RPA1: variants seen among roughly 807,000 people sequenced by gnomAD.
The protein encoded by RPA1 is replication protein A 70 kDa DNA-binding subunit.
A neutral mutation model predicts 83.0 loss-of-function variants in RPA1; 49 were observed. The ratio of observed to expected loss-of-function variants is 0.59; its 90% CI spans 0.47 to 0.75. The LOEUF (loss-of-function observed/expected upper bound fraction) is 0.75. Ranked by LOEUF, RPA1 falls within the 30% of genes least tolerant of loss-of-function variation. RPA1 has a pLI of 0.00. For missense variants in RPA1, 693 were observed against 776.1 expected (o/e 0.89, Z 1.27); for synonymous variants, 279 against 281.8 (o/e 0.99, Z 0.10).
chr17:1,888,735 C>G lies in RPA1; in HGVS notation c.1435C>G (p.Gln479Glu), dbSNP rs763579522. 3.7e-6 allele frequency: 6 copies of G among 1,614,194 alleles called. No homozygotes were observed. The highest frequency in any genetic ancestry group is 1.7e-4 in the Middle Eastern group (1 of 6,060). The change falls in exon 14 of 17, where the codon CAA becomes GAA. Residue 479 changes from glutamine (Q) to glutamate (E), a missense_variant. Transcript: ENST00000254719. ...TCTTCGCAAAGAGAACTGCATGTAC[C>G]AAGCCTGCCCGACTCAGGACTGCAA... ...VYLRKENCMYQACPTQDCNKK... is the reference protein window; with the variant it reads ...VYLRKENCMYEACPTQDCNKK...
chr17:1,835,885 G>A (rs1911799624), intron 1 of RPA1, among the ~76,000 whole-genome samples: 1 of 152,094 alleles, frequency 6.6e-6, no homozygotes. Context: ...CACTTGGGGA[G>A]GCTAATGCAG....
At chr17:1,894,560 G>A (rs1567830786) in intron 15 of RPA1, among the ~76,000 whole-genome samples, 3 of 152,172 alleles carry the variant, frequency 2.0e-5, no homozygotes, top group African/African-American at 7.2e-5. Context: ...ATTTTTACGT[G>A]TACAGTTTAG....
intron 15 of RPA1, among the ~76,000 whole-genome samples, chr17:1,893,166 G>T (rs1280840974): frequency 6.6e-6 from 1 of 152,132 alleles, no homozygotes; most frequent in African/African-American, 2.4e-5. Context: ...AACTAGAATT[G>T]ACTTTAAAGT....
intron 14 of RPA1, 164 bp from the exon 15 acceptor site, chr17:1,891,669 C>T: frequency 2.2e-6 from 1 of 460,992 alleles, no homozygotes. Context: ...TTCCACCCGC[C>T]TTGGCCTCCC....
At position 1,888,860 on chromosome 17, in the gene RPA1, C is replaced by T. The variant is rs1914096192; in HGVS notation, c.1551+9C>T. ...ACCGCATGATCCTGTCAGTAAGTAGCCTCGGTAGATGAGAACCACGGTTGT... is the reference window on the plus strand; with the variant it reads ...ACCGCATGATCCTGTCAGTAAGTAGTCTCGGTAGATGAGAACCACGGTTGT... On this transcript the variant is annotated intron_variant, in intron 14 of 16. Transcript: ENST00000254719. 6.2e-7 allele frequency: 1 copy of T among 1,610,018 alleles called. No homozygotes were observed. Among genetic ancestry groups the T allele is most frequent in the Non-Finnish European group, 8.5e-7 (1 of 1,176,798 alleles).
intron 11 of RPA1, 126 bp downstream of exon 11, chr17:1,879,825 C>A (rs1913715056): frequency 8.2e-7 from 1 of 1,216,128 alleles, no homozygotes; most frequent in Non-Finnish European, 1.2e-6. Flanking sequence ...AGGGAGTGGT[C>A]TTATCCTATA....
chr17:1,844,575 C>T lies in RPA1; in HGVS notation c.164-3C>T. 6.2e-7 allele frequency: 1 copy of T among 1,611,552 alleles called. No homozygotes were observed. Among genetic ancestry groups the T allele is most frequent in the Non-Finnish European group, 8.5e-7 (1 of 1,178,634 alleles). On this transcript the variant is annotated splice_region_variant and splice_polypyrimidine_tract_variant and intron_variant, in intron 3 of 16. Transcript: ENST00000254719. The stretch of plus-strand genomic sequence containing the variant: ...AGGCTAAAGAAATCTCTGTGGTTTT[C>T]AGCTTTCATGTTGGCGACACAGTTG...
At chr17:1,862,152 A>G (rs11650608) in intron 5 of RPA1, among the ~76,000 whole-genome samples, 49,264 of 146,474 alleles carry the variant, frequency 0.34, 10,502 homozygotes, top group Non-Finnish European at 0.49. Context: ...TCAGCCTCCC[A>G]AAGTGCTGGG....
intron 15 of RPA1, among the ~76,000 whole-genome samples, chr17:1,894,324 G>T (rs1472412276): frequency 6.6e-6 from 1 of 151,906 alleles, no homozygotes; most frequent in Non-Finnish European, 1.5e-5. Flanking sequence ...CTGCCACTAT[G>T]CCCAGCTAAT....
At chr17:1,894,305 T>G (rs1227200402) in intron 15 of RPA1, among the ~76,000 whole-genome samples, 2 of 152,042 alleles carry the variant, frequency 1.3e-5, no homozygotes, top group Non-Finnish European at 2.9e-5. Context: ...TACCTGGGAT[T>G]ACAGGCACCT....
chr17:1,891,569 GC>G, intron 14 of RPA1: 1 of 147,974 alleles, frequency 6.8e-6, no homozygotes, highest in Non-Finnish European at 1.6e-5. Flanking sequence ...ACAGGCACCC[GC>G]CACCATGCCT....
chr17:1,848,483 T>A (rs1912350684), intron 4 of RPA1, among the ~76,000 whole-genome samples: 1 of 151,174 alleles, frequency 6.6e-6, no homozygotes, highest in Admixed American at 6.6e-5. Context: ...TGGTGGCACA[T>A]GCCTGTAATC....
intron 14 of RPA1, among the ~76,000 whole-genome samples, chr17:1,890,082 C>G (rs1914148654): frequency 6.6e-6 from 1 of 151,932 alleles, no homozygotes. Context: ...GAAAAATGTT[C>G]ATATTGGCCA....
chr17:1,858,258 C>T, intron 5 of RPA1: 3 of 1,613,208 alleles, frequency 1.9e-6, no homozygotes, highest in South Asian at 2.2e-5. Flanking sequence ...CCAAATAAGA[C>T]TCAAAGTTCC....
At chr17:1,880,452 C>A in intron 11 of RPA1, 91 bp from the exon 12 acceptor site, 1 of 1,326,970 alleles carries the variant, frequency 7.5e-7, no homozygotes, top group Non-Finnish European at 1.1e-6. Context: ...TACATTCACT[C>A]TACTATTGAA....
chr17:1,838,681 A>G (rs1169952294), intron 1 of RPA1, among the ~76,000 whole-genome samples: 1 of 151,822 alleles, frequency 6.6e-6, no homozygotes, highest in Non-Finnish European at 1.5e-5. Context: ...TTCTTCCAGA[A>G]GTTTTATAGT....
chr17:1,835,811 T>C (rs1028950066), intron 1 of RPA1, among the ~76,000 whole-genome samples: 2 of 152,166 alleles, frequency 1.3e-5, no homozygotes, highest in African/African-American at 4.8e-5. Flanking sequence ...CACGTGGTTT[T>C]AAAATCAAAC....
rs1181788068 is a variant in RPA1, at chr17:1,880,609, G to A, written c.1159G>A (p.Gly387Ser). ...CAAAGGAGCCCGAGTCTCTGATTTC[G>A]GTGGACGGAGCCTCTCCGTGCTGTC... ...AIKGARVSDFGGRSLSVLSSS... is the reference protein window; with the variant it reads ...AIKGARVSDFSGRSLSVLSSS... The change falls in exon 12 of 17, where the codon GGT becomes AGT. Residue 387 changes from glycine to serine, a missense_variant. Gly to Ser is a moderately conservative substitution (Grantham distance 56, BLOSUM62 0). Coordinates refer to ENST00000254719, the MANE Select transcript of RPA1 (RefSeq NM_002945.5). 29 of 1,613,966 alleles carry A rather than the reference G, an allele frequency of 1.8e-5. No individual in the cohort carries two copies. Among genetic ancestry groups the A allele is most frequent in the Admixed American group, 6.7e-5 (4 of 59,996 alleles).
chr17:1,860,483 C>CT (rs1454343370), intron 5 of RPA1, among the ~76,000 whole-genome samples: 1 of 152,228 alleles, frequency 6.6e-6, no homozygotes, highest in East Asian at 1.9e-4. Flanking sequence ...TTCAAGTTCA[C>CT]TAATGGTTTC....
Sources: gnomAD v4.1 joint callset for allele counts (sites outside exome capture counted in the v4.1 genomes callset) on GRCh38, gnomAD v4.1.1 for gene constraint, MANE v1.5 for transcripts, NCBI Gene and HGNC (gene_info 2026-07-23, HGNC 2026-07-21) for gene names.